The following PLXDC1 variants were observed in gnomAD, a reference collection of about 807,000 sequenced individuals.
The protein encoded by PLXDC1 is plexin domain-containing protein 1.
A neutral mutation model predicts 61.3 loss-of-function variants in PLXDC1; 39 were observed. The ratio of observed to expected loss-of-function variants is 0.64; its 90% CI spans 0.49 to 0.83. PLXDC1 has a LOEUF of 0.83. Ranked by LOEUF, PLXDC1 falls within the 40% of genes least tolerant of loss-of-function variation. The probability of loss-of-function intolerance (pLI) is 0.00; values close to 1 mark genes in which losing one functional copy is unlikely to be tolerated. For synonymous variants in PLXDC1, 212 were observed against 254.5 expected (o/e 0.83, Z 1.59); for missense variants, 596 against 666.5 (o/e 0.89, Z 1.17).
At chr17:39,142,024 T>C (rs1157138150) in intron 1 of PLXDC1, among the ~76,000 whole-genome samples, 1 of 152,190 alleles carries the variant, frequency 6.6e-6, no homozygotes, top group Non-Finnish European at 1.5e-5. Flanking sequence ...GACTGGATAA[T>C]TCATTGTTAT....
chr17:39,116,343 A>C (rs1033246239), intron 2 of PLXDC1, among the ~76,000 whole-genome samples: 9 of 152,124 alleles, frequency 5.9e-5, no homozygotes, highest in Non-Finnish European at 1.3e-4. Flanking sequence ...CTCCGCCCCC[A>C]GCACCTCCCT....
At chr17:39,109,000 C>A (rs151101128) in intron 3 of PLXDC1, 27 bp from the exon 4 acceptor site, 2 of 1,570,890 alleles carry the variant, frequency 1.3e-6, no homozygotes, top group East Asian at 2.2e-5. Context: ...AAAGTCAGCA[C>A]GGGCCAAGCT....
At chr17:39,120,221 G>A (rs955722411) in intron 2 of PLXDC1, among the ~76,000 whole-genome samples, 6 of 152,040 alleles carry the variant, frequency 3.9e-5, no homozygotes, top group Non-Finnish European at 8.8e-5. Flanking sequence ...GCACCACCTC[G>A]GCTCACGGCA....
intron 13 of PLXDC1, 63 bp from the exon 14 acceptor site, chr17:39,068,022 C>T (rs1251987337): frequency 6.4e-7 from 1 of 1,563,466 alleles, no homozygotes; most frequent in Non-Finnish European, 8.8e-7. Context: ...ACCCCACACT[C>T]CTGAGCGACA....
At chr17:39,090,863 T>A (rs1313094923) in intron 7 of PLXDC1, among the ~76,000 whole-genome samples, 1 of 144,576 alleles carries the variant, frequency 6.9e-6, no homozygotes, top group East Asian at 2.0e-4. Context: ...CTCTTTCCTG[T>A]CCTTACTCTG....
intron 7 of PLXDC1, among the ~76,000 whole-genome samples, chr17:39,098,099 G>A (rs1433088206): frequency 2.0e-5 from 3 of 151,290 alleles, no homozygotes; most frequent in South Asian, 2.1e-4. Flanking sequence ...CAGCTACTCC[G>A]GAGGCTGAGG....
At chr17:39,090,486 C>T (rs576051853) in intron 7 of PLXDC1, among the ~76,000 whole-genome samples, 9 of 152,262 alleles carry the variant, frequency 5.9e-5, no homozygotes, top group South Asian at 2.1e-4. Context: ...AAAAGAAGCT[C>T]GGCCCCCGGA....
intron 11 of PLXDC1, among the ~76,000 whole-genome samples, chr17:39,076,335 C>T (rs1262049897): frequency 6.6e-6 from 1 of 150,762 alleles, no homozygotes; most frequent in Non-Finnish European, 1.5e-5. Context: ...ATAGTGAGAC[C>T]TCATCTCTAC....
At chr17:39,102,126 G>A (rs2143624377) in intron 7 of PLXDC1, among the ~76,000 whole-genome samples, 2 of 152,262 alleles carry the variant, frequency 1.3e-5, no homozygotes, top group South Asian at 4.1e-4. Context: ...CCCAGATGAA[G>A]GTGTGGACTG....
chr17:39,085,030 T>C (rs1909691790), intron 8 of PLXDC1, among the ~76,000 whole-genome samples: 1 of 152,248 alleles, frequency 6.6e-6, no homozygotes, highest in South Asian at 2.1e-4. Flanking sequence ...AACACCTTGA[T>C]AGCCACAAGA....
chr17:39,146,005 T>C (rs1322739107), intron 1 of PLXDC1, among the ~76,000 whole-genome samples: 5 of 151,720 alleles, frequency 3.3e-5, no homozygotes, highest in African/African-American at 1.2e-4. Flanking sequence ...AAGAATTACA[T>C]GCCGGGTTCT....
At chr17:39,149,870 T>G (rs969008383) in intron 1 of PLXDC1, among the ~76,000 whole-genome samples, 1 of 152,182 alleles carries the variant, frequency 6.6e-6, no homozygotes, top group African/African-American at 2.4e-5. Context: ...AGGTTGAGGA[T>G]TCAAAGGAGC....
intron 7 of PLXDC1, among the ~76,000 whole-genome samples, chr17:39,101,290 A>G (rs1336293455): frequency 1.3e-5 from 2 of 152,210 alleles, no homozygotes; most frequent in Non-Finnish European, 2.9e-5. Flanking sequence ...AGGGAGGGAC[A>G]TTCACACGTA....
intron 12 of PLXDC1, chr17:39,072,242 T>C: frequency 1.7e-6 from 1 of 596,918 alleles, no homozygotes; most frequent in Admixed American, 2.9e-5. Flanking sequence ...ATGAGAAATG[T>C]CTAGGGTAGA....
chr17:39,144,957 A>G (rs1217265351), intron 1 of PLXDC1: 1 of 152,194 alleles, frequency 6.6e-6, no homozygotes, highest in Non-Finnish European at 1.5e-5. Context: ...CAATAATCCC[A>G]TGAAATAGTT....
At chr17:39,104,531 C>A (rs1488667044) in intron 7 of PLXDC1, among the ~76,000 whole-genome samples, 1 of 152,186 alleles carries the variant, frequency 6.6e-6, no homozygotes, top group African/African-American at 2.4e-5. Context: ...CGTCTGTAAT[C>A]CCAGCACTTT....
chr17:39,151,214 TGCCCACA>T lies in PLXDC1; in HGVS notation c.76+141_76+147del. On this transcript the variant is annotated intron_variant, in intron 1 of 13. Coordinates refer to ENST00000315392, the MANE Select transcript of PLXDC1 (RefSeq NM_020405.5). The surrounding 1 kb of genome is among the most constrained non-coding windows in gnomAD (Gnocchi z 5.2). ...TGGGAAAGTGGGGTCCCTATCCACC[TGCCCACA>T]GCCCACAGCTCTCCTGGCCTCCTGC... is the stretch of plus-strand genomic sequence containing the variant. 1.9e-6 allele frequency: 1 copy of T among 534,964 alleles called. No individual in the cohort carries two copies. Among genetic ancestry groups the T allele is most frequent in the Non-Finnish European group, 2.8e-6 (1 of 351,094 alleles). The allele number at this position is 534,964 out of a possible 1,614,324, so 33.1% of individuals were successfully genotyped here.
At chr17:39,142,994 C>T (rs897106442) in intron 1 of PLXDC1, among the ~76,000 whole-genome samples, 7 of 152,058 alleles carry the variant, frequency 4.6e-5, no homozygotes, top group African/African-American at 1.2e-4. Context: ...AAAAATTAGC[C>T]GGGCATGGTG....
At chr17:39,104,743 T>C (rs1910536486) in intron 7 of PLXDC1, among the ~76,000 whole-genome samples, 1 of 151,982 alleles carries the variant, frequency 6.6e-6, no homozygotes, top group Admixed American at 6.6e-5. Flanking sequence ...GAAATTGCAC[T>C]ACTGCATTCA....
Sources: allele counts gnomAD v4.1 joint callset (sites outside exome capture counted in the v4.1 genomes callset), GRCh38; gene constraint gnomAD v4.1.1; non-coding constraint Gnocchi (gnomAD v3.1); transcripts MANE v1.5; gene names NCBI Gene and HGNC (gene_info 2026-07-23, HGNC 2026-07-21).